Variants in MAGI3 observed in about 807,000 individuals in gnomAD.
MAGI3 encodes membrane-associated guanylate kinase, WW and PDZ domain-containing protein 3.
A neutral mutation model predicts 121.8 loss-of-function variants in MAGI3; 43 were observed. The observed-to-expected ratio is 0.35, with a 90% CI of 0.28 to 0.46. The LOEUF (loss-of-function observed/expected upper bound fraction) is 0.46. MAGI3 is among the 20% of genes least tolerant of loss of function. The probability of loss-of-function intolerance (pLI) is 1.00; values close to 1 mark genes in which losing one functional copy is unlikely to be tolerated. For missense variants in MAGI3, 1,547 were observed against 1,797.3 expected, an observed-to-expected ratio of 0.86 and a Z score of 2.52; for synonymous variants, 553 against 639.3, an observed-to-expected ratio of 0.86 and a Z score of 2.04.
intron 2 of MAGI3, among the ~76,000 whole-genome samples, chr1:113,563,853 T>G (rs1437406890): frequency 6.6e-6 from 1 of 152,198 alleles, no homozygotes. Context: ...AACTGTGAAC[T>G]AGCTCTGTCC....
intron 1 of MAGI3, among the ~76,000 whole-genome samples, chr1:113,437,943 CCTTCTCCTTCTT>C (rs1653709274): frequency 1.1e-4 from 15 of 135,318 alleles, no homozygotes; most frequent in African/African-American, 3.9e-4. Flanking sequence ...TTCTCCTTCT[CCTTCTCCTTCTT>C]CTTTTCTTTT....
At chr1:113,647,545 A>C (rs2636003) in intron 12 of MAGI3, among the ~76,000 whole-genome samples, 58,241 of 152,054 alleles carry the variant, frequency 0.38, 12,918 homozygotes, top group African/African-American at 0.6. Flanking sequence ...TGTTCCTACT[A>C]ATTCACTTAC....
At chr1:113,645,116 C>T (rs762351493) in intron 11 of MAGI3, among the ~76,000 whole-genome samples, 1 of 150,390 alleles carries the variant, frequency 6.6e-6, no homozygotes. Context: ...CCTCTGCCGC[C>T]TAGGTTCAAG....
At chr1:113,592,080 G>A (rs1648722725) in intron 5 of MAGI3, among the ~76,000 whole-genome samples, 1 of 151,708 alleles carries the variant, frequency 6.6e-6, no homozygotes, top group South Asian at 2.1e-4. Flanking sequence ...AGACAAAAAT[G>A]GACTACATCA....
At position 113,614,610 on chromosome 1, in the gene MAGI3, A is replaced by C; in HGVS notation, c.1028A>C (p.Tyr343Ser). 1 of 1,609,542 alleles carries C rather than the reference A, an allele frequency of 6.2e-7. No individual in the cohort carries two copies. Among genetic ancestry groups the C allele is most frequent in the South Asian group, 1.1e-5 (1 of 90,394 alleles). Residue 343 changes from tyrosine to serine, a missense_variant, in exon 7 of 21, where the codon TAT (tyrosine) becomes TCT (serine). Coordinates refer to ENST00000307546, the MANE Select transcript of MAGI3 (RefSeq NM_001142782.2). ...TTTTCTTTATTTACAGAGCTTCCTT[A>C]TGGCTGGGAGAAAATAGAGGACCCT... ...PEDCEDGELP[Y>S]GWEKIEDPQY...
rs1650708825 is a variant in MAGI3, at chr1:113,619,794, C to G, written c.1135C>G (p.Gln379Glu). Residue 379 changes from glutamine to glutamate, a missense_variant, in exon 8 of 21, where the codon CAG becomes GAG. Transcript: ENST00000307546. ...NPVEEAKRKK[Q>E]LGQVEIGSSK... ...AGTGGAGGAAGCCAAAAGGAAAAAGCAGTTAGGACAGGTTGAAATTGGGTC... is the reference window on the plus strand; with the variant it reads ...AGTGGAGGAAGCCAAAAGGAAAAAGGAGTTAGGACAGGTTGAAATTGGGTC... 2 of 1,612,962 alleles carry G rather than the reference C, an allele frequency of 1.2e-6. No individual in the cohort carries two copies. Among genetic ancestry groups the G allele is most frequent in the Non-Finnish European group, 1.7e-6 (2 of 1,179,378 alleles).
At chr1:113,490,621 C>G (rs1165820537) in intron 1 of MAGI3, among the ~76,000 whole-genome samples, 1 of 152,154 alleles carries the variant, frequency 6.6e-6, no homozygotes, top group Non-Finnish European at 1.5e-5. Flanking sequence ...ATGCTGTCTT[C>G]AAGAGACCAG....
chr1:113,467,723 C>T (rs2101532541), intron 1 of MAGI3, among the ~76,000 whole-genome samples: 1 of 152,020 alleles, frequency 6.6e-6, no homozygotes, highest in African/African-American at 2.4e-5. Flanking sequence ...TAAGTAGAGA[C>T]AGGGCCTTGT....
chr1:113,607,850 A>G (rs1169020995), intron 6 of MAGI3, among the ~76,000 whole-genome samples: 2 of 152,214 alleles, frequency 1.3e-5, no homozygotes, highest in Non-Finnish European at 2.9e-5. Context: ...AAGATTTTTT[A>G]TAATTGAATC....
intron 1 of MAGI3, among the ~76,000 whole-genome samples, chr1:113,548,797 G>C (rs78838491): frequency 6.6e-6 from 1 of 152,170 alleles, no homozygotes; most frequent in Non-Finnish European, 1.5e-5. Context: ...GAATGATGCC[G>C]ATTAGAAGGC....
intron 10 of MAGI3, 63 bp downstream of exon 10, chr1:113,642,579 T>G: frequency 6.6e-7 from 1 of 1,515,674 alleles, no homozygotes; most frequent in Non-Finnish European, 8.9e-7. Flanking sequence ...ACTGATTGTC[T>G]TTCCTTACAG....
intron 1 of MAGI3, among the ~76,000 whole-genome samples, chr1:113,537,301 G>A (rs537005665): frequency 6.6e-6 from 1 of 152,158 alleles, no homozygotes; most frequent in Non-Finnish European, 1.5e-5. Flanking sequence ...AGCAGGCATG[G>A]TGGCTTCATT....
intron 1 of MAGI3, among the ~76,000 whole-genome samples, chr1:113,482,700 T>C (rs1570740635): frequency 1.3e-5 from 2 of 149,678 alleles, no homozygotes; most frequent in South Asian, 2.1e-4. Context: ...TGACTAAATC[T>C]AATAATTTTT....
intron 2 of MAGI3, among the ~76,000 whole-genome samples, chr1:113,575,817 C>T (rs1417629967): frequency 2.0e-5 from 3 of 152,132 alleles, no homozygotes; most frequent in Non-Finnish European, 2.9e-5. Flanking sequence ...GGTGCTCTGT[C>T]CCAGGGAGAT....
At chr1:113,550,135 G>T (rs1251050626) in intron 2 of MAGI3, among the ~76,000 whole-genome samples, 1 of 149,850 alleles carries the variant, frequency 6.7e-6, no homozygotes, top group Non-Finnish European at 1.5e-5. Context: ...AAAAGGCCGG[G>T]CGCGGTGGCT....
intron 16 of MAGI3, among the ~76,000 whole-genome samples, chr1:113,664,851 T>A (rs1260839617): frequency 6.6e-6 from 1 of 152,254 alleles, no homozygotes; most frequent in Non-Finnish European, 1.5e-5. Context: ...TTCTGTGTTG[T>A]TGATATTTAT....
intron 9 of MAGI3, among the ~76,000 whole-genome samples, chr1:113,636,865 A>G (rs1170023593): frequency 7.9e-5 from 12 of 151,574 alleles, no homozygotes; most frequent in Non-Finnish European, 1.2e-4. Flanking sequence ...GGGAGTCTAA[A>G]TCTCTTTGTA....
intron 1 of MAGI3, among the ~76,000 whole-genome samples, chr1:113,494,656 TCTTTTAAA>T (rs200996682): frequency 0.01 from 1,536 of 152,108 alleles, 30 homozygotes; most frequent in African/African-American, 0.035. Context: ...AGTAGGAGAG[TCTTTTAAA>T]AGGTAGCATT....
Position 113,422,878 on chromosome 1 carries a change from A to G in MAGI3, c.316+31529A>G, listed in dbSNP as rs1652799071. ...TGATCCGGCCCCACCGCTACTTCCC[A>G]TTGCATGTGTGGCTGCCTGGTGCGG... On this transcript the variant is annotated intron_variant, in intron 1 of 20. Transcript: ENST00000307546. The surrounding 1 kb of genome is among the most constrained non-coding windows in gnomAD (Gnocchi z 4.3). Among the ~76,000 whole-genome samples the G allele has an allele frequency of 6.6e-6, 1 of 152,016 alleles. No individual in the cohort carries two copies. The highest frequency in any genetic ancestry group is 2.4e-5 in the African/African-American group (1 of 41,376).
Sources: gnomAD v4.1 joint callset for allele counts (sites outside exome capture counted in the v4.1 genomes callset) on GRCh38, gnomAD v4.1.1 for gene constraint, Gnocchi (gnomAD v3.1) non-coding constraint, MANE v1.5 for transcripts, NCBI Gene and HGNC (gene_info 2026-07-23, HGNC 2026-07-21) for gene names.